SBK1: variants seen among roughly 807,000 people sequenced by gnomAD.
The protein encoded by SBK1 is SH3 domain binding kinase 1.
A neutral mutation model predicts 24.4 loss-of-function variants in SBK1; 11 were observed. The observed-to-expected ratio is 0.45, with a 90% CI of 0.28 to 0.75. The LOEUF is 0.75. Ranked by LOEUF, SBK1 falls within the 30% of genes least tolerant of loss-of-function variation. SBK1 has a pLI of 0.12. For missense variants in SBK1, 467 were observed against 620.5 expected, an observed-to-expected ratio of 0.75 and a Z score of 2.63; for synonymous variants, 308 against 284.4, an observed-to-expected ratio of 1.08 and a Z score of -0.83.
intron 1 of SBK1, among the ~76,000 whole-genome samples, chr16:28,311,986 G>A (rs1466396466): frequency 6.6e-6 from 1 of 152,282 alleles, no homozygotes; most frequent in South Asian, 2.1e-4. Context: ...AGAGTACACA[G>A]AACAGCCTGA....
chr16:28,313,137 G>GA (rs983908976), intron 1 of SBK1, among the ~76,000 whole-genome samples: 19 of 151,600 alleles, frequency 1.3e-4, no homozygotes, highest in Admixed American at 7.2e-4. Context: ...AATAAAATAC[G>GA]AAAAAAAATT....
chr16:28,302,496 T>C (rs2044685983), intron 1 of SBK1, among the ~76,000 whole-genome samples: 1 of 152,176 alleles, frequency 6.6e-6, no homozygotes. Context: ...CTCCCCTGCT[T>C]CTTGAGCACA....
chr16:28,273,035 T>TTTCTACATTTGGC (rs2044476420), intron 1 of SBK1, among the ~76,000 whole-genome samples: 1 of 152,170 alleles, frequency 6.6e-6, no homozygotes, highest in Non-Finnish European at 1.5e-5. Flanking sequence ...ATTGTGAATA[T>TTTCTACATTTGGC]TGTTGTAAAG....
intron 1 of SBK1, among the ~76,000 whole-genome samples, chr16:28,269,032 CTT>C (rs1223749659): frequency 1.4e-4 from 18 of 130,184 alleles, no homozygotes; most frequent in Admixed American, 1.5e-4. Flanking sequence ...AAGTTCTTTC[CTT>C]TTTTTTTTTT....
intron 1 of SBK1, among the ~76,000 whole-genome samples, chr16:28,281,133 A>G (rs2044530808): frequency 6.6e-6 from 1 of 151,854 alleles, no homozygotes; most frequent in Non-Finnish European, 1.5e-5. Flanking sequence ...CCCTCCTTCC[A>G]TCCTGGCTGA....
At chr16:28,302,769 T>C (rs1596549639) in intron 1 of SBK1, among the ~76,000 whole-genome samples, 1 of 152,166 alleles carries the variant, frequency 6.6e-6, no homozygotes, top group Non-Finnish European at 1.5e-5. Context: ...ACTAAGTGCC[T>C]TCTATACTCC....
intron 1 of SBK1, among the ~76,000 whole-genome samples, chr16:28,293,913 A>T (rs1177868700): frequency 6.6e-6 from 1 of 152,164 alleles, no homozygotes; most frequent in Non-Finnish European, 1.5e-5. Context: ...CCTGTGGGAC[A>T]GGGAGGGAGT....
Position 28,322,931 on chromosome 16 carries a change from C to CCTCTCTCTCTCTCTCT in SBK1, c.*2044_*2059dup, listed in dbSNP as rs1160741491. ...CTCTCTCGCGCGCGCTCTCTCTCTCCCTCTCTCTCTCTCTCTCTCTCTCTC... is the reference window on the plus strand; with the variant it reads ...CTCTCTCGCGCGCGCTCTCTCTCTCCCTCTCTCTCTCTCTCTCTCTCTCTCTCTCTCTCTCTCTCTC... On this transcript the variant is annotated 3_prime_UTR_variant, in exon 4 of 4. Coordinates refer to ENST00000341901, the MANE Select transcript of SBK1 (RefSeq NM_001024401.3). The CCTCTCTCTCTCTCTCT allele has an allele frequency of 1.8e-5, 1 of 55,352 alleles. No individual in the cohort carries two copies. Among genetic ancestry groups the CCTCTCTCTCTCTCTCT allele is most frequent in the African/African-American group, 8.2e-5 (1 of 12,188 alleles). The allele number at this position is 55,352 out of a possible 1,614,324, so 3.4% of individuals were successfully genotyped here. A position where few individuals can be genotyped will look rare whatever the true frequency, so the allele number is the denominator to read the frequency against.
Position 28,320,946 on chromosome 16 carries a change from G to C in SBK1, c.*25G>C, listed in dbSNP as rs769677672. On this transcript the variant is annotated 3_prime_UTR_variant, in exon 4 of 4. Coordinates refer to ENST00000341901, the MANE Select transcript of SBK1 (RefSeq NM_001024401.3). The surrounding 1 kb of genome is among the most constrained non-coding windows in gnomAD (Gnocchi z 8.5). ...AGTCGCCTCCGCCGCCCTCGGACCC[G>C]GGAGCAGCCCGGGCCCGCCCCGAGC... 1.4e-6 allele frequency: 2 copies of C among 1,396,308 alleles called. No individual in the cohort carries two copies. The highest frequency in any genetic ancestry group is 9.3e-7 in the Non-Finnish European group (1 of 1,076,902). 86.5% of individuals were successfully genotyped at this position (1,396,308 alleles called of 1,614,324 possible).
Position 28,292,533 on chromosome 16 carries a change from G to T in SBK1, c.-775G>T, listed in dbSNP as rs2044607286. Reference sequence around the variant, plus strand: ...CTGGAGGGCGGAGCCGCGATGCCGCGATGGAGCGCAGCCCGGGCGGGCGCC... The same window carrying T: ...CTGGAGGGCGGAGCCGCGATGCCGCTATGGAGCGCAGCCCGGGCGGGCGCC... On this transcript the variant is annotated 5_prime_UTR_variant, in exon 1 of 4. Coordinates refer to ENST00000341901, the MANE Select transcript of SBK1 (RefSeq NM_001024401.3). 4.1e-6 allele frequency: 4 copies of T among 979,176 alleles called. No individual in the cohort carries two copies. The highest frequency in any genetic ancestry group is 1.2e-4 in the East Asian group (1 of 8,672). The allele number at this position is 979,176 out of a possible 1,614,324, so 60.7% of individuals were successfully genotyped here. A position where few individuals can be genotyped will look rare whatever the true frequency, so the allele number is the denominator to read the frequency against.
chr16:28,262,603 G>T (rs1039436508), intron 1 of SBK1, among the ~76,000 whole-genome samples: 1 of 152,164 alleles, frequency 6.6e-6, no homozygotes, highest in Non-Finnish European at 1.5e-5. Context: ...ACACACGCTC[G>T]AACAGACAGC....
chr16:28,315,947 G>T (rs930996000), intron 1 of SBK1, among the ~76,000 whole-genome samples: 2 of 152,016 alleles, frequency 1.3e-5, no homozygotes, highest in Non-Finnish European at 2.9e-5. Flanking sequence ...TGTATTTTTA[G>T]TAGAGACAGG....
intron 2 of SBK1, 60 bp from the exon 3 acceptor site, chr16:28,318,935 C>G: frequency 1.6e-6 from 2 of 1,244,558 alleles, no homozygotes; most frequent in Non-Finnish European, 2.4e-6. Context: ...GGCATGGGTG[C>G]ATCCAGTGCG....
chr16:28,297,925 C>T (rs937820160), intron 1 of SBK1, among the ~76,000 whole-genome samples: 1 of 152,162 alleles, frequency 6.6e-6, no homozygotes, highest in Non-Finnish European at 1.5e-5. Context: ...GGAGGCCCTT[C>T]CTGAGCCTCT....
rs368342128 is a variant in SBK1, at chr16:28,261,566, G to T, written c.257+2064G>T. Among the ~76,000 whole-genome samples, 31 of 152,098 alleles carry T rather than the reference G, an allele frequency of 2.0e-4. No individual in the cohort carries two copies. The South Asian group carries it at 6.2e-3, about 31-fold the overall frequency. The stretch of plus-strand genomic sequence containing the variant: ...GATCCCTTGAGCCCAGAAGTTCGAG[G>T]CTGCACTGAGCTATGATCACGCCCC... On this transcript the variant is annotated intron_variant, in intron 1 of 3. Coordinates refer to the SBK1 transcript ENST00000671413.
intron 1 of SBK1, among the ~76,000 whole-genome samples, chr16:28,313,996 G>A (rs1473185946): frequency 7.6e-6 from 1 of 131,062 alleles, no homozygotes; most frequent in Non-Finnish European, 1.6e-5. Flanking sequence ...GAGAAAGCCG[G>A]TGATGATGAC....
intron 1 of SBK1, among the ~76,000 whole-genome samples, chr16:28,304,396 G>A (rs1390632651): frequency 4.6e-5 from 7 of 152,202 alleles, no homozygotes; most frequent in Non-Finnish European, 8.8e-5. Flanking sequence ...CAGAGACCAA[G>A]AATAGAGAAG....
At chr16:28,287,095 CAAG>C (rs1440153695) in intron 1 of SBK1, 11 of 149,394 alleles carry the variant, frequency 7.4e-5, no homozygotes, top group African/African-American at 2.7e-4. Context: ...GACTACATCT[CAAG>C]AAATAAATAA....
rs1002348858 is a variant in SBK1, at chr16:28,319,934, G to A, written c.430-142G>A. 8 of 734,236 alleles carry A rather than the reference G, an allele frequency of 1.1e-5. No individual in the cohort carries two copies. 45.5% of individuals were successfully genotyped at this position (734,236 alleles called of 1,614,324 possible). On this transcript the variant is annotated intron_variant, in intron 3 of 3. Transcript: ENST00000341901. This position sits in a 1 kb window ranked among gnomAD's most constrained non-coding sequence, Gnocchi z 4.0. ...GGAAAGGGCGCTCAGCAGCATCCGG[G>A]CCGCGTCTGCGCGGTCGCCCCAGTT...
Sources: allele counts gnomAD v4.1 joint callset (sites outside exome capture counted in the v4.1 genomes callset), GRCh38; gene constraint gnomAD v4.1.1; non-coding constraint Gnocchi (gnomAD v3.1); transcripts MANE v1.5; gene names NCBI Gene and HGNC (gene_info 2026-07-23, HGNC 2026-07-21).